The following SLC9A1 variants were observed in gnomAD, a reference collection of about 807,000 sequenced individuals.
SLC9A1 encodes the protein sodium/hydrogen exchanger 1.
SLC9A1 carries 22 observed loss-of-function variants against 67.9 expected under a neutral mutation model. That is an observed-to-expected ratio of 0.32 (90% CI 0.23 to 0.46). The LOEUF (loss-of-function observed/expected upper bound fraction) is 0.46. Among genes scored for constraint, SLC9A1 ranks in the 20% least tolerant of loss-of-function variants. The probability of loss-of-function intolerance (pLI) is 1.00; values close to 1 mark genes in which losing one functional copy is unlikely to be tolerated. For missense variants in SLC9A1, 686 were observed against 1,094.8 expected, an observed-to-expected ratio of 0.63 and a Z score of 5.27; for synonymous variants, 421 against 471.8, an observed-to-expected ratio of 0.89 and a Z score of 1.40.
intron 1 of SLC9A1, among the ~76,000 whole-genome samples, chr1:27,145,544 C>G (rs1347314626): frequency 6.6e-6 from 1 of 152,182 alleles, no homozygotes; most frequent in Non-Finnish European, 1.5e-5. Context: ...CTTGTGGGCT[C>G]TAACACACAG....
chr1:27,107,300 C>T (rs1334493937), intron 4 of SLC9A1, among the ~76,000 whole-genome samples: 2 of 118,648 alleles, frequency 1.7e-5, no homozygotes, highest in East Asian at 2.8e-4. Context: ...ACACACACTG[C>T]ACCACAGCCC....
At chr1:27,141,223 T>A (rs536257399) in intron 1 of SLC9A1, among the ~76,000 whole-genome samples, 54 of 152,216 alleles carry the variant, frequency 3.5e-4, no homozygotes, top group Middle Eastern at 6.8e-3. Flanking sequence ...TTAAAAAAAA[T>A]TTTTTTAAAA....
At chr1:27,113,269 G>C (rs1036071212) in intron 2 of SLC9A1, among the ~76,000 whole-genome samples, 5 of 152,044 alleles carry the variant, frequency 3.3e-5, no homozygotes, top group African/African-American at 1.2e-4. Context: ...GACCAGCCTG[G>C]GCAACATGGT....
chr1:27,108,158 C>A (rs545498016), intron 3 of SLC9A1, among the ~76,000 whole-genome samples: 12 of 151,536 alleles, frequency 7.9e-5, no homozygotes, highest in African/African-American at 2.9e-4. Context: ...CCTCCGCCTC[C>A]CGGGTTCAAG....
intron 1 of SLC9A1, among the ~76,000 whole-genome samples, chr1:27,152,317 G>A (rs1289479320): frequency 6.6e-6 from 1 of 152,192 alleles, no homozygotes; most frequent in African/African-American, 2.4e-5. Context: ...CTCAAAGTGT[G>A]TCTGCCAGCC....
At chr1:27,128,116 G>A (rs544698744) in intron 1 of SLC9A1, among the ~76,000 whole-genome samples, 11 of 152,322 alleles carry the variant, frequency 7.2e-5, no homozygotes, top group Middle Eastern at 3.4e-3. Context: ...AATAGCATTC[G>A]TGCCATAGCA....
At chr1:27,117,530 G>A (rs1557743721) in intron 1 of SLC9A1, among the ~76,000 whole-genome samples, 1 of 152,160 alleles carries the variant, frequency 6.6e-6, no homozygotes, top group East Asian at 1.9e-4. Context: ...ACAGTGCCTG[G>A]GAGACCCAGA....
At chr1:27,153,959 A>G in intron 1 of SLC9A1, 24 bp downstream of exon 1, 5 of 1,476,744 alleles carry the variant, frequency 3.4e-6, no homozygotes, top group Non-Finnish European at 4.6e-6. Flanking sequence ...TGGCGGCCGC[A>G]GCATCGGAGC....
chr1:27,149,325 T>C (rs1212011185), intron 1 of SLC9A1, among the ~76,000 whole-genome samples: 3 of 152,206 alleles, frequency 2.0e-5, no homozygotes, highest in East Asian at 1.9e-4. Context: ...TTGACATCAC[T>C]GAAGATAACC....
chr1:27,110,130 G>A (rs1055684009), intron 2 of SLC9A1, among the ~76,000 whole-genome samples: 4 of 152,156 alleles, frequency 2.6e-5, no homozygotes, highest in African/African-American at 7.2e-5. Context: ...ATAAAATGAG[G>A]ATAATAATAC....
chr1:27,122,304 C>T (rs1435161764), intron 1 of SLC9A1, among the ~76,000 whole-genome samples: 1 of 152,120 alleles, frequency 6.6e-6, no homozygotes, highest in Non-Finnish European at 1.5e-5. Flanking sequence ...AAGTGATGCT[C>T]AGAAAACACG....
chr1:27,154,162 C>A lies in SLC9A1; in HGVS notation c.173G>T (p.Gly58Val), dbSNP rs1260371170. ...SSEPPRERSI[G>V]DVTTAPPEVT... ...CTCCGGTGGAGCGGTGGTGACATCC[C>A]CAATCGAGCGTTCTCGTGGTGGCTC... is the stretch of plus-strand genomic sequence containing the variant. The change falls in exon 1 of 12, where the codon GGG (glycine) becomes GTG (valine). Residue 58 changes from glycine (G) to valine (V), a missense_variant. Around this residue, in one of 7 missense-constraint regions of SLC9A1, gnomAD observed 143 missense variants for 166.7 expected, o/e 0.86. Coordinates refer to ENST00000263980, the MANE Select transcript of SLC9A1 (RefSeq NM_003047.5). 1 of 1,614,084 alleles carries A rather than the reference C, an allele frequency of 6.2e-7. No homozygotes were observed. The highest frequency in any genetic ancestry group is 8.5e-7 in the Non-Finnish European group (1 of 1,180,008).
chr1:27,110,378 G>A (rs937116473), intron 2 of SLC9A1, among the ~76,000 whole-genome samples: 2 of 152,102 alleles, frequency 1.3e-5, no homozygotes, highest in Non-Finnish European at 2.9e-5. Flanking sequence ...ACATGTTCAG[G>A]CCATACTGGA....
At chr1:27,131,006 C>G (rs927319067) in intron 1 of SLC9A1, among the ~76,000 whole-genome samples, 3 of 152,226 alleles carry the variant, frequency 2.0e-5, no homozygotes, top group Admixed American at 6.5e-5. Flanking sequence ...GATAAGGAAG[C>G]CTTTGTCAGT....
chr1:27,112,088 T>A (rs2083231998), intron 2 of SLC9A1, among the ~76,000 whole-genome samples: 1 of 152,204 alleles, frequency 6.6e-6, no homozygotes, highest in African/African-American at 2.4e-5. Flanking sequence ...TAAGTAATCC[T>A]GTAAGAAGCC....
At chr1:27,108,143 T>G (rs576807553) in intron 3 of SLC9A1, among the ~76,000 whole-genome samples, 24 of 149,368 alleles carry the variant, frequency 1.6e-4, no homozygotes, top group Non-Finnish European at 3.1e-4. Flanking sequence ...CTTGGCTCAC[T>G]GCAACCTCCG....
At position 27,101,289 on chromosome 1, in the gene SLC9A1, C is replaced by T; in HGVS notation, c.2038-14G>A. 1 of 1,609,534 alleles carries T rather than the reference C, an allele frequency of 6.2e-7. No individual in the cohort carries two copies. The highest frequency in any genetic ancestry group is 8.5e-7 in the Non-Finnish European group (1 of 1,178,006). On this transcript the variant is annotated splice_polypyrimidine_tract_variant and intron_variant, in intron 10 of 11. Transcript: ENST00000263980. The surrounding 1 kb of genome is among the most constrained non-coding windows in gnomAD (Gnocchi z 4.9). ...GTAGTTGTTGATCTGACAGAGAGGA[C>T]AGACGGGGTGAGCACAGGCAGCTGG...
At position 27,100,462 on chromosome 1, in the gene SLC9A1, G is replaced by A. The variant is rs750040030; in HGVS notation, c.2293C>T (p.Arg765Trp). ...CCTGGGGACGAAGTCTCCTTGCTCCGCATCATGATGCCCCCATCGTCGTCC... is the reference window on the plus strand; with the variant it reads ...CCTGGGGACGAAGTCTCCTTGCTCCACATCATGATGCCCCCATCGTCGTCC... ...DEDDDGGIMM[R>W]SKETSSPGTD... Residue 765 changes from arginine to tryptophan, a missense_variant, in exon 12 of 12, where the codon CGG (arginine) becomes TGG (tryptophan). Physicochemically the swap from Arg to Trp is moderately radical, Grantham distance 101. This residue lies in a region of SLC9A1 where 226 missense variants were observed against 282.4 expected (regional missense o/e 0.80). Transcript: ENST00000263980. The surrounding 1 kb of genome is among the most constrained non-coding windows in gnomAD (Gnocchi z 5.6). 30 of 1,613,860 alleles carry A rather than the reference G, an allele frequency of 1.9e-5. No homozygotes were observed. The Admixed American group carries it at 3.2e-4, about 17-fold the overall frequency.
At chr1:27,128,074 T>G (rs536590000) in intron 1 of SLC9A1, among the ~76,000 whole-genome samples, 26 of 152,332 alleles carry the variant, frequency 1.7e-4, no homozygotes, top group African/African-American at 3.6e-4. Context: ...ACCATCTCTG[T>G]CCATGCCAGC....
Sources: gnomAD v4.1 joint callset for allele counts (sites outside exome capture counted in the v4.1 genomes callset) on GRCh38, gnomAD v4.1.1 for gene constraint, gnomAD v4.1.1 regional missense constraint, Gnocchi (gnomAD v3.1) non-coding constraint, MANE v1.5 for transcripts, NCBI Gene and HGNC (gene_info 2026-07-23, HGNC 2026-07-21) for gene names.